Variants in LIMS1 observed in about 807,000 individuals in gnomAD.
LIMS1 encodes the protein LIM and senescent cell antigen-like-containing domain protein 1.
LIMS1 carries 18 observed loss-of-function variants against 44.1 expected under a neutral mutation model. The ratio of observed to expected loss-of-function variants is 0.41; its 90% CI spans 0.28 to 0.61. LIMS1 has a LOEUF of 0.61. Ranked by LOEUF, LIMS1 falls within the 20% of genes least tolerant of loss-of-function variation. The probability of loss-of-function intolerance (pLI) is 0.32; values close to 1 mark genes in which losing one functional copy is unlikely to be tolerated. For synonymous variants in LIMS1, 93 were observed against 149.1 expected, an observed-to-expected ratio of 0.62 and a Z score of 2.74; for missense variants, 201 against 422.0, an observed-to-expected ratio of 0.48 and a Z score of 4.59.
intron 1 of LIMS1, among the ~76,000 whole-genome samples, chr2:108,604,184 AT>A (rs375867282): frequency 1.5e-3 from 234 of 151,676 alleles, no homozygotes; most frequent in Non-Finnish European, 2.5e-3. Flanking sequence ...CTGGCCTCCT[AT>A]TTTTTTTACA....
intron 2 of LIMS1, among the ~76,000 whole-genome samples, chr2:108,667,693 T>C (rs1382517657): frequency 6.6e-6 from 1 of 151,928 alleles, no homozygotes; most frequent in Admixed American, 6.5e-5. Context: ...AGTCGTCTTA[T>C]GGTATCCACA....
intron 1 of LIMS1, among the ~76,000 whole-genome samples, chr2:108,560,191 C>G (rs1685064886): frequency 6.6e-6 from 1 of 152,136 alleles, no homozygotes; most frequent in Non-Finnish European, 1.5e-5. Context: ...TATTAGCTTC[C>G]TAACGAGTTT....
chr2:108,639,411 C>T (rs959838565), intron 1 of LIMS1, among the ~76,000 whole-genome samples: 4 of 152,196 alleles, frequency 2.6e-5, no homozygotes, highest in South Asian at 2.1e-4. Context: ...CTTGCAACAA[C>T]CCTGCATTTA....
intron 2 of LIMS1, among the ~76,000 whole-genome samples, chr2:108,661,335 TC>T (rs1158691697): frequency 4.4e-5 from 5 of 114,496 alleles, no homozygotes; most frequent in African/African-American, 1.5e-4. Context: ...TTCTTCTAGT[TC>T]TTTTTTTTTT....
chr2:108,678,343 AG>A, intron 8 of LIMS1: 1 of 460,256 alleles, frequency 2.2e-6, no homozygotes, highest in Non-Finnish European at 3.8e-6. Flanking sequence ...AACGTTTATT[AG>A]GAACAGTTTA....
Position 108,644,579 on chromosome 2 carries a change from A to G in LIMS1, c.33-15026A>G, listed in dbSNP as rs145099081. 1.3e-3 allele frequency among the ~76,000 whole-genome samples: 193 copies of G among 152,208 alleles called. 1 individual carries two copies. The highest frequency in any genetic ancestry group is 3.4e-3 in the Middle Eastern group (1 of 294). On this transcript the variant is annotated intron_variant, in intron 1 of 9. Transcript: ENST00000544547. ...AAGGCTGAAAATTCCAAAAACCAGAACACCTCTTCTCCTCCAAAGGATCAC... is the reference window on the plus strand; with the variant it reads ...AAGGCTGAAAATTCCAAAAACCAGAGCACCTCTTCTCCTCCAAAGGATCAC...
At position 108,600,076 on chromosome 2, in the gene LIMS1, C is replaced by T. The variant is rs139128081; in HGVS notation, c.33-59529C>T. On this transcript the variant is annotated intron_variant, in intron 1 of 9. Transcript: ENST00000544547. ...GTTGTTGTCGTTTGAGATGGAGTCTCACTCACTCTGTCGCCAAGGCTGGAG... is the reference window on the plus strand; with the variant it reads ...GTTGTTGTCGTTTGAGATGGAGTCTTACTCACTCTGTCGCCAAGGCTGGAG... Among the ~76,000 whole-genome samples the T allele has an allele frequency of 4.9e-3, 735 of 150,984 alleles. 8 individuals are homozygous for T. Among genetic ancestry groups the T allele is most frequent in the African/African-American group, 0.016 (676 of 41,046 alleles).
rs71381966 is a variant in LIMS1 at position 108,549,279 on chromosome 2, C to CTTTTTTTTTTTT, written c.32+14707_32+14718dup. ...ATAATAATGTACAAGTAAAGTGTTT[C>CTTTTTTTTTTTT]TTTTTTTTTTTTTTTTTTTTTTTTT... On this transcript the variant is annotated intron_variant, in intron 1 of 9. Transcript: ENST00000544547. Among the ~76,000 whole-genome samples the CTTTTTTTTTTTT allele has an allele frequency of 4.3e-4, 24 of 55,796 alleles. 4 individuals are homozygous for CTTTTTTTTTTTT. The highest frequency in any genetic ancestry group is 5.9e-4 in the Non-Finnish European group (19 of 32,028). The allele number at this position is 55,796 out of a possible 152,430, so 36.6% of individuals were successfully genotyped here.
chr2:108,640,965 C>T (rs2148918096), intron 1 of LIMS1, among the ~76,000 whole-genome samples: 1 of 152,280 alleles, frequency 6.6e-6, no homozygotes, highest in South Asian at 2.1e-4. Context: ...CTCTAATAAC[C>T]AACTCTGCGT....
intron 9 of LIMS1, among the ~76,000 whole-genome samples, chr2:108,682,694 T>A (rs1299562008): frequency 1.3e-5 from 2 of 152,218 alleles, no homozygotes; most frequent in African/African-American, 4.8e-5. Flanking sequence ...ATTTTAGATA[T>A]GTGTTTAGGA....
intron 2 of LIMS1, chr2:108,662,538 A>G (rs1691452149): frequency 1.1e-5 from 14 of 1,272,988 alleles, no homozygotes; most frequent in Non-Finnish European, 1.5e-5. Flanking sequence ...GAAGATTACT[A>G]TTTTGGCTAA....
chr2:108,638,731 G>A (rs1030201698), intron 1 of LIMS1, among the ~76,000 whole-genome samples: 5 of 151,968 alleles, frequency 3.3e-5, no homozygotes, highest in African/African-American at 9.7e-5. Flanking sequence ...TGGCAACAGA[G>A]TGAGACTCTG....
intron 2 of LIMS1, among the ~76,000 whole-genome samples, chr2:108,665,434 A>G (rs1243930016): frequency 6.6e-6 from 1 of 152,264 alleles, no homozygotes; most frequent in African/African-American, 2.4e-5. Flanking sequence ...CATTGTTGAC[A>G]GAAATGTTAT....
In LIMS1 at chr2:108,608,150, CCCTTT is replaced by C. The variant is rs1687376837; in HGVS notation, c.33-51450_33-51446del. ...CCTCCTGTTTTCCTCCACGAAGAAGCCCTTTCCTTAATGGAGTTTGGCTCACTTTT... is the reference window on the plus strand; with the variant it reads ...CCTCCTGTTTTCCTCCACGAAGAAGCCCTTAATGGAGTTTGGCTCACTTTT... On this transcript the variant is annotated intron_variant, in intron 1 of 9. Transcript: ENST00000544547. 2.0e-5 allele frequency among the ~76,000 whole-genome samples: 3 copies of C among 152,150 alleles called. No individual in the cohort carries two copies. In the East Asian group the frequency reaches 5.8e-4, roughly 29 times the overall value.
chr2:108,535,278 A>C (rs1039971362), intron 1 of LIMS1, among the ~76,000 whole-genome samples: 1 of 152,262 alleles, frequency 6.6e-6, no homozygotes, highest in Non-Finnish European at 1.5e-5. Context: ...TACTGTCTTA[A>C]TAGCTGTTTC....
chr2:108,608,351 G>C (rs994131289), intron 1 of LIMS1, among the ~76,000 whole-genome samples: 1 of 150,878 alleles, frequency 6.6e-6, no homozygotes, highest in South Asian at 2.1e-4. Flanking sequence ...TGTCACTCAG[G>C]CTGGAGTGCA....
chr2:108,662,035 T>C (rs1409427676), intron 2 of LIMS1, among the ~76,000 whole-genome samples: 1 of 152,218 alleles, frequency 6.6e-6, no homozygotes, highest in Non-Finnish European at 1.5e-5. Flanking sequence ...GATATTTTTA[T>C]TGAAATGGGC....
At position 108,657,054 on chromosome 2, in the gene LIMS1, TA is replaced by T. The variant is rs1402943360; in HGVS notation, c.33-2550del. Among the ~76,000 whole-genome samples, 14 of 106,176 alleles carry T rather than the reference TA, an allele frequency of 1.3e-4. No homozygotes were observed. The East Asian group carries it at 3.3e-3, about 25-fold the overall frequency. The allele number at this position is 106,176 out of a possible 152,430, so 69.7% of individuals were successfully genotyped here. A position where few individuals can be genotyped will look rare whatever the true frequency, so the allele number is the denominator to read the frequency against. On this transcript the variant is annotated intron_variant, in intron 1 of 9. Transcript: ENST00000544547. ...ACTGTTTTCCAAAATGGAAGAGGCT[TA>T]GAGGAAAGGATGGCATTGCGTTACA...
intron 1 of LIMS1, among the ~76,000 whole-genome samples, chr2:108,632,867 T>TA (rs141146586): frequency 0.017 from 2,583 of 152,322 alleles, 37 homozygotes; most frequent in Non-Finnish European, 0.025. Context: ...GCAGTTTACT[T>TA]ACAGGCAATC....
Sources: gnomAD v4.1 joint callset for allele counts (sites outside exome capture counted in the v4.1 genomes callset) on GRCh38, gnomAD v4.1.1 for gene constraint, MANE v1.5 for transcripts, NCBI Gene and HGNC (gene_info 2026-07-23, HGNC 2026-07-21) for gene names.